Variants in CDKL4 observed in about 807,000 individuals in gnomAD.
The protein encoded by CDKL4 is cyclin-dependent kinase-like 4.
CDKL4 carries 44 observed loss-of-function variants against 42.0 expected under a neutral mutation model. That is an observed-to-expected ratio of 1.05 (90% CI 0.82 to 1.35). The LOEUF (loss-of-function observed/expected upper bound fraction) is 1.35. Ranked by LOEUF, CDKL4 falls within the 40% of genes most tolerant of loss-of-function variation. The pLI is 0.00. For synonymous variants in CDKL4, 120 were observed against 121.6 expected, an observed-to-expected ratio of 0.99 and a Z score of 0.09; for missense variants, 393 against 369.9, an observed-to-expected ratio of 1.06 and a Z score of -0.51.
In CDKL4 at chr2:39,229,271, A is replaced by G. The variant is rs761971067; in HGVS notation, c.168+94T>C. ...GCTGATACAAAGGAATTTAAGTCCA[A>G]TGGGGGGAAAATAACTTTAAAATTC... On this transcript the variant is annotated intron_variant, in intron 2 of 9. Coordinates refer to ENST00000451199, the Ensembl canonical transcript of CDKL4. The G allele has an allele frequency of 3.0e-5, 28 of 918,474 alleles. No homozygotes were observed. In the South Asian group the frequency reaches 4.2e-4, roughly 14 times the overall value. The allele number at this position is 918,474 out of a possible 1,614,324, so 56.9% of individuals were successfully genotyped here.
intron 5 of CDKL4, among the ~76,000 whole-genome samples, chr2:39,196,705 A>G (rs1462090598): frequency 1.3e-5 from 2 of 152,046 alleles, no homozygotes; most frequent in African/African-American, 2.4e-5. Flanking sequence ...CTTCCTGGGT[A>G]CAAGTGATTC....
chr2:39,224,240 T>C (rs917984781), intron 3 of CDKL4, among the ~76,000 whole-genome samples: 3 of 152,152 alleles, frequency 2.0e-5, no homozygotes, highest in Non-Finnish European at 2.9e-5. Flanking sequence ...AAGTCCCTTT[T>C]TTCTCGATTT....
At chr2:39,177,040 T>C (rs554911847) in intron 9 of CDKL4, among the ~76,000 whole-genome samples, 3 of 152,220 alleles carry the variant, frequency 2.0e-5, no homozygotes, top group African/African-American at 7.2e-5. Flanking sequence ...CAGAGGTGGA[T>C]AGAATGCAGT....
chr2:39,181,090 A>G (rs1442520205), intron 8 of CDKL4, among the ~76,000 whole-genome samples: 1 of 151,930 alleles, frequency 6.6e-6, no homozygotes, highest in Non-Finnish European at 1.5e-5. Context: ...TGTTATTAAT[A>G]CCTCTGACCT....
intron 5 of CDKL4, among the ~76,000 whole-genome samples, chr2:39,198,818 C>G (rs931742005): frequency 6.6e-6 from 1 of 152,080 alleles, no homozygotes; most frequent in Non-Finnish European, 1.5e-5. Context: ...ATCAAAACCT[C>G]TGGGATACAG....
chr2:39,173,799 T>G (rs1572930381), downstream of CDKL4, among the ~76,000 whole-genome samples: 1 of 104,756 alleles, frequency 9.5e-6, no homozygotes, highest in Non-Finnish European at 1.9e-5. Flanking sequence ...GGCGACAGAG[T>G]GAGACTCCAT....
Position 39,223,627 on chromosome 2 carries a change from A to AAG in CDKL4, c.290+2210_290+2211dup, listed in dbSNP as rs1553392182. ...CTTCTGTCTTCAAAAAAAAAAAAAA[A>AAG]AGAGAGATGGGGTCTCACTCTGTTA... On this transcript the variant is annotated intron_variant, in intron 3 of 9. Transcript: ENST00000451199. Among the ~76,000 whole-genome samples, 152 of 145,042 alleles carry AAG rather than the reference A, an allele frequency of 1.0e-3. 5 individuals are homozygous for AAG. The highest frequency in any genetic ancestry group is 4.0e-3 in the African/African-American group (145 of 36,666).
exon 6 of CDKL4, chr2:39,190,440 C>A: frequency 6.2e-7 from 1 of 1,614,064 alleles, no homozygotes; most frequent in Non-Finnish European, 8.5e-7. Context: ...GTATCTCCCA[C>A]AAGAAGTTCA....
At chr2:39,236,579 C>A (rs1352581167) in intron 1 of CDKL4, among the ~76,000 whole-genome samples, 1 of 151,994 alleles carries the variant, frequency 6.6e-6, no homozygotes, top group African/African-American at 2.4e-5. Context: ...AAGGGAACAA[C>A]AATATGCTTA....
At chr2:39,178,982 AT>A in intron 9 of CDKL4, 1 of 1,438,330 alleles carries the variant, frequency 7.0e-7, no homozygotes, top group African/African-American at 1.5e-5. Flanking sequence ...TGTGTTTGGA[AT>A]AAGATTTTTG....
chr2:39,187,008 C>G (rs1474819689), intron 7 of CDKL4, among the ~76,000 whole-genome samples: 2 of 151,776 alleles, frequency 1.3e-5, no homozygotes, highest in South Asian at 4.2e-4. Flanking sequence ...GCTCTGTGTC[C>G]CCACCCAAAT....
chr2:39,181,117 C>A (rs1222775999), intron 8 of CDKL4, among the ~76,000 whole-genome samples: 2 of 152,198 alleles, frequency 1.3e-5, no homozygotes, highest in East Asian at 3.8e-4. Context: ...CCATATCCTT[C>A]AACCCATTAT....
chr2:39,204,506 G>A, intron 5 of CDKL4, 21 bp downstream of exon 5: 2 of 1,408,496 alleles, frequency 1.4e-6, no homozygotes, highest in Non-Finnish European at 2.0e-6. Flanking sequence ...CTGGGTATTA[G>A]TAAAAAAAAT....
At chr2:39,232,379 T>C (rs1028238135) in intron 1 of CDKL4, among the ~76,000 whole-genome samples, 30 of 152,178 alleles carry the variant, frequency 2.0e-4, no homozygotes, top group African/African-American at 6.8e-4. Flanking sequence ...ATAACAGAGT[T>C]TCTGGAGGCA....
At chr2:39,218,131 C>T (rs17666648) in intron 3 of CDKL4, among the ~76,000 whole-genome samples, 2,530 of 152,208 alleles carry the variant, frequency 0.017, 41 homozygotes, top group Non-Finnish European at 0.027. Context: ...GTTTATTGTT[C>T]CTTCTACTTC....
intron 3 of CDKL4, among the ~76,000 whole-genome samples, chr2:39,220,256 G>A (rs1019269877): frequency 1.3e-5 from 2 of 152,070 alleles, no homozygotes; most frequent in African/African-American, 4.8e-5. Context: ...AATAAGGCTG[G>A]TTCTGCCTTG....
intron 8 of CDKL4, among the ~76,000 whole-genome samples, chr2:39,180,814 C>A (rs1161434348): frequency 6.6e-6 from 1 of 151,964 alleles, no homozygotes; most frequent in East Asian, 1.9e-4. Context: ...CCTCAGCCTC[C>A]CAAATAGCTG....
intron 4 of CDKL4, among the ~76,000 whole-genome samples, chr2:39,212,868 C>T (rs1238278487): frequency 6.6e-6 from 1 of 151,718 alleles, no homozygotes; most frequent in African/African-American, 2.4e-5. Flanking sequence ...TCCATGTTGC[C>T]CAGGCTGGTC....
At chr2:39,215,789 C>T (rs1001837825) in intron 3 of CDKL4, among the ~76,000 whole-genome samples, 1 of 152,148 alleles carries the variant, frequency 6.6e-6, no homozygotes, top group Non-Finnish European at 1.5e-5. Flanking sequence ...TGATCTTGTA[C>T]CACAATTATG....
Sources: allele counts gnomAD v4.1 joint callset (sites outside exome capture counted in the v4.1 genomes callset), GRCh38; gene constraint gnomAD v4.1.1; transcripts MANE v1.5; gene names NCBI Gene and HGNC (gene_info 2026-07-23, HGNC 2026-07-21).